Variants in CPS1 observed in about 807,000 individuals in gnomAD.
CPS1 encodes the protein carbamoyl-phosphate synthase [ammonia], mitochondrial.
A neutral mutation model predicts 174.6 loss-of-function variants in CPS1; 109 were observed. The ratio of observed to expected loss-of-function variants is 0.62; its 90% CI spans 0.53 to 0.73. CPS1 has a LOEUF of 0.73. Ranked by LOEUF, CPS1 falls within the 30% of genes least tolerant of loss-of-function variation. The pLI is 0.00. For missense variants in CPS1, 1,689 were observed against 1,821.9 expected, an observed-to-expected ratio of 0.93 and a Z score of 1.33; for synonymous variants, 637 against 632.0, an observed-to-expected ratio of 1.01 and a Z score of -0.12.
intron 21 of CPS1, among the ~76,000 whole-genome samples, chr2:210,631,516 C>G (rs913711581): frequency 6.6e-6 from 1 of 152,136 alleles, no homozygotes. Flanking sequence ...TGCTGTCTCA[C>G]CATTAAAAGA....
At chr2:210,501,020 C>T (rs1019520931) in intron 1 of CPS1, among the ~76,000 whole-genome samples, 2 of 152,168 alleles carry the variant, frequency 1.3e-5, no homozygotes, top group African/African-American at 4.8e-5. Flanking sequence ...CACCCACAGG[C>T]TCAACACCAT....
At position 210,512,651 on chromosome 2, in the gene CPS1, G is replaced by A. The variant is rs148258596; in HGVS notation, c.3+34885G>A. Among the ~76,000 whole-genome samples the A allele has an allele frequency of 9.4e-5, 14 of 148,894 alleles. No individual in the cohort carries two copies. In the East Asian group the frequency reaches 2.6e-3, roughly 27 times the overall value. ...TTCCATATCTTTGCTATTCTGAAGAGTGCTGCAATGAACATGTGTATGCAT... is the reference window on the plus strand; with the variant it reads ...TTCCATATCTTTGCTATTCTGAAGAATGCTGCAATGAACATGTGTATGCAT... On this transcript the variant is annotated intron_variant, in intron 1 of 38. Coordinates refer to the CPS1 transcript ENST00000430249.
intron 1 of CPS1, among the ~76,000 whole-genome samples, chr2:210,485,546 C>A (rs1279603620): frequency 6.6e-6 from 1 of 152,052 alleles, no homozygotes; most frequent in Non-Finnish European, 1.5e-5. Flanking sequence ...GTATGTAATT[C>A]TGATTTTTTT....
chr2:210,557,574 C>T (rs1275038973), intron 1 of CPS1, among the ~76,000 whole-genome samples: 1 of 152,032 alleles, frequency 6.6e-6, no homozygotes, highest in African/African-American at 2.4e-5. Context: ...CCTGTAGGAA[C>T]CTCTGCTCCT....
chr2:210,518,700 C>T (rs533302181), intron 1 of CPS1, among the ~76,000 whole-genome samples: 1 of 152,078 alleles, frequency 6.6e-6, no homozygotes, highest in African/African-American at 2.4e-5. Flanking sequence ...AAGTTTCTAA[C>T]TTATTAAGCT....
Position 210,582,723 on chromosome 2 carries a change from C to G in CPS1, c.621+14C>G, listed in dbSNP as rs751983541. 6.3e-7 allele frequency: 1 copy of G among 1,590,022 alleles called. No homozygotes were observed. Among genetic ancestry groups the G allele is most frequent in the Non-Finnish European group, 8.6e-7 (1 of 1,158,432 alleles). Reference sequence around the variant, plus strand: ...GTTTCAACCAAGGTGAGGGGTTTTCCTTTATATTTTGTAGTTTTATTTGAT... The same window carrying G: ...GTTTCAACCAAGGTGAGGGGTTTTCGTTTATATTTTGTAGTTTTATTTGAT... On this transcript the variant is annotated intron_variant, in intron 6 of 37. Coordinates refer to ENST00000233072, the MANE Select transcript of CPS1 (RefSeq NM_001875.5).
intron 2 of CPS1, among the ~76,000 whole-genome samples, chr2:210,575,834 A>G (rs1574543168): frequency 1.3e-5 from 2 of 152,094 alleles, no homozygotes; most frequent in Admixed American, 1.3e-4. Context: ...TAATAATCAT[A>G]TATACTCATG....
At chr2:210,570,716 C>T (rs1286816274) in intron 1 of CPS1, among the ~76,000 whole-genome samples, 5 of 151,392 alleles carry the variant, frequency 3.3e-5, no homozygotes, top group Non-Finnish European at 3.0e-5. Context: ...TTTGTAAAAG[C>T]ATGGAGGTTT....
In CPS1 at chr2:210,642,517, C is replaced by G. The variant is rs1404696893; in HGVS notation, c.2993C>G (p.Ser998Cys). 1 of 1,613,844 alleles carries G rather than the reference C, an allele frequency of 6.2e-7. No individual in the cohort carries two copies. The highest frequency in any genetic ancestry group is 1.1e-5 in the South Asian group (1 of 91,078). ...GTGGAATTTGATTGGTGTGCTGTCT[C>G]TAGTATCCGCACACTGCGTCAACTT... ...SSVEFDWCAVSSIRTLRQLGK... is the reference protein window; with the variant it reads ...SSVEFDWCAVCSIRTLRQLGK... The change falls in exon 25 of 38, where the codon TCT becomes TGT. Residue 998 changes from serine to cysteine, a missense_variant. Ser to Cys is a moderately radical substitution (Grantham distance 112). Transcript: ENST00000233072.
At chr2:210,549,627 A>T (rs1325513189) in intron 1 of CPS1, among the ~76,000 whole-genome samples, 2 of 152,066 alleles carry the variant, frequency 1.3e-5, no homozygotes, top group Non-Finnish European at 2.9e-5. Flanking sequence ...TTTAGATCAA[A>T]TATTAAATAA....
At chr2:210,564,503 G>A (rs1032742246) in intron 1 of CPS1, among the ~76,000 whole-genome samples, 1 of 151,964 alleles carries the variant, frequency 6.6e-6, no homozygotes, top group Non-Finnish European at 1.5e-5. Context: ...AGCCTCCCGA[G>A]TAGCTGGGAC....
At chr2:210,612,355 C>A (rs953279261) in intron 20 of CPS1, 62 bp downstream of exon 20, 1 of 1,567,324 alleles carries the variant, frequency 6.4e-7, no homozygotes, top group Non-Finnish European at 8.8e-7. Context: ...TCAGTCTGGA[C>A]ATTAAAATAA....
At chr2:210,637,639 CT>C (rs1412535579) in intron 21 of CPS1, 62 bp from the exon 22 acceptor site, 6 of 1,567,062 alleles carry the variant, frequency 3.8e-6, no homozygotes, top group Non-Finnish European at 5.3e-6. Context: ...TGAAATTGAA[CT>C]TGTCACCGCT....
chr2:210,603,424 A>G (rs145436068), intron 16 of CPS1, among the ~76,000 whole-genome samples: 48 of 152,052 alleles, frequency 3.2e-4, no homozygotes, highest in Middle Eastern at 3.4e-3. Context: ...GAAAATTACA[A>G]AAAAGGGAAA....
chr2:210,615,844 T>C (rs1023826835), intron 20 of CPS1, among the ~76,000 whole-genome samples: 8 of 152,036 alleles, frequency 5.3e-5, no homozygotes, highest in African/African-American at 1.4e-4. Context: ...ACAAAAATCA[T>C]AGTGACTGAT....
chr2:210,678,590 CTTTTTCTTTTT>C lies in CPS1; in HGVS notation c.*606_*616del, dbSNP rs1420089871. 6.5e-6 allele frequency: 1 copy of C among 153,662 alleles called. No homozygotes were observed. The highest frequency in any genetic ancestry group is 1.4e-5 in the Non-Finnish European group (1 of 69,800). The allele number at this position is 153,662 out of a possible 1,614,324, so 9.5% of individuals were successfully genotyped here. A position where few individuals can be genotyped will look rare whatever the true frequency, so the allele number is the denominator to read the frequency against. ...CATTTAGAGTATGGACTTTTCTTTTCTTTTTCTTTTTCTTTTTTTCTTTTTGAGATGGAGTC... is the reference window on the plus strand; with the variant it reads ...CATTTAGAGTATGGACTTTTCTTTTCCTTTTTTTCTTTTTGAGATGGAGTC... On this transcript the variant is annotated 3_prime_UTR_variant, in exon 38 of 38. Coordinates refer to ENST00000233072, the MANE Select transcript of CPS1 (RefSeq NM_001875.5).
At position 210,579,790 on chromosome 2, in the gene CPS1, C is replaced by G; in HGVS notation, c.528+20C>G. ...GATAAGGTATAATCATCATCTTTAG[C>G]CAAATCTATGTTTCTTCGGGTGTGT... is the stretch of plus-strand genomic sequence containing the variant. On this transcript the variant is annotated intron_variant, in intron 5 of 37. Coordinates refer to ENST00000233072, the MANE Select transcript of CPS1 (RefSeq NM_001875.5). The G allele has an allele frequency of 1.3e-6, 2 of 1,589,332 alleles. No homozygotes were observed. The highest frequency in any genetic ancestry group is 1.7e-6 in the Non-Finnish European group (2 of 1,159,966).
intron 1 of CPS1, among the ~76,000 whole-genome samples, chr2:210,506,782 G>A (rs1055692971): frequency 1.3e-5 from 2 of 152,090 alleles, no homozygotes; most frequent in African/African-American, 4.8e-5. Flanking sequence ...TATCAGTGAT[G>A]GAAGATCAAA....
intron 31 of CPS1, among the ~76,000 whole-genome samples, chr2:210,659,409 A>G (rs1700838929): frequency 6.6e-6 from 1 of 151,920 alleles, no homozygotes; most frequent in African/African-American, 2.4e-5. Flanking sequence ...GAATTAATTT[A>G]CTCCTACCAG....
Sources: allele counts gnomAD v4.1 joint callset (sites outside exome capture counted in the v4.1 genomes callset), GRCh38; gene constraint gnomAD v4.1.1; transcripts MANE v1.5; gene names NCBI Gene and HGNC (gene_info 2026-07-23, HGNC 2026-07-21).